The following ELAPOR2 variants were observed in gnomAD, a reference collection of about 807,000 sequenced individuals.
ELAPOR2 encodes endosome-lysosome associated apoptosis and autophagy regulator family member 2, also known as endosome/lysosome-associated apoptosis and autophagy regulator family member 2.
A neutral mutation model predicts 120.7 loss-of-function variants in ELAPOR2; 89 were observed. That is an observed-to-expected ratio of 0.74 (90% confidence interval 0.62 to 0.88). ELAPOR2 has a LOEUF of 0.88. Ranked by LOEUF, ELAPOR2 falls within the 40% of genes least tolerant of loss-of-function variation. The pLI is 0.00. For missense variants in ELAPOR2, 1,134 were observed against 1,251.6 expected (o/e 0.91, Z 1.42); for synonymous variants, 444 against 444.9 (o/e 1.00, Z 0.03).
intron 19 of ELAPOR2, 25 bp from the exon 20 acceptor site, chr7:86,893,125 A>G (rs1788259137): frequency 6.7e-7 from 1 of 1,488,010 alleles, no homozygotes; most frequent in Non-Finnish European, 9.0e-7. Context: ...ACATAAAACC[A>G]TAGAAGACAT....
At chr7:86,991,345 C>A (rs1792938932) in intron 1 of ELAPOR2, among the ~76,000 whole-genome samples, 3 of 152,002 alleles carry the variant, frequency 2.0e-5, no homozygotes, top group African/African-American at 7.2e-5. Context: ...GTCAAACATT[C>A]CACTGGGTCA....
chr7:86,920,034 C>T (rs888337804), intron 10 of ELAPOR2, among the ~76,000 whole-genome samples: 2 of 152,076 alleles, frequency 1.3e-5, no homozygotes, highest in Non-Finnish European at 2.9e-5. Context: ...AATGGCAATA[C>T]CTCAGCATTG....
At chr7:86,991,407 C>T (rs1341647582) in intron 1 of ELAPOR2, among the ~76,000 whole-genome samples, 1 of 152,134 alleles carries the variant, frequency 6.6e-6, no homozygotes, top group Admixed American at 6.5e-5. Context: ...TAGTATACAA[C>T]ATTGTTCTCT....
chr7:86,997,115 G>A (rs1793151439), intron 1 of ELAPOR2, among the ~76,000 whole-genome samples: 1 of 151,946 alleles, frequency 6.6e-6, no homozygotes, highest in Non-Finnish European at 1.5e-5. Flanking sequence ...TTAAGGAAGG[G>A]GAAAAAAAGC....
At chr7:86,915,016 T>A (rs1789499895) in intron 12 of ELAPOR2, among the ~76,000 whole-genome samples, 156 bp from the exon 13 acceptor site, 1 of 152,166 alleles carries the variant, frequency 6.6e-6, no homozygotes, top group African/African-American at 2.4e-5. Flanking sequence ...TCTTAAAACT[T>A]GCCTTCAAGT....
At chr7:87,016,713 C>T (rs1466886004) in intron 1 of ELAPOR2, among the ~76,000 whole-genome samples, 2 of 150,476 alleles carry the variant, frequency 1.3e-5, no homozygotes, top group Non-Finnish European at 3.0e-5. Flanking sequence ...ATGAACCAAT[C>T]TTCTCTCTAT....
intron 1 of ELAPOR2, among the ~76,000 whole-genome samples, chr7:87,041,961 C>T (rs1185953136): frequency 1.3e-5 from 2 of 151,618 alleles, no homozygotes; most frequent in Non-Finnish European, 2.9e-5. Context: ...GGTTGCAATC[C>T]TAGTCTCTGA....
Position 87,039,060 on chromosome 7 carries a change from A to G in ELAPOR2, c.189+20265T>C, listed in dbSNP as rs533992270. ...AAAAAAGAAGATACAAATAAATAAA[A>G]TCAGAAATGAAAAAGAAGACATTAC... On this transcript the variant is annotated intron_variant, in intron 1 of 21. Coordinates refer to ENST00000450689, the MANE Select transcript of ELAPOR2 (RefSeq NM_001142749.3). Among the ~76,000 whole-genome samples the G allele has an allele frequency of 3.3e-5, 5 of 152,312 alleles. No homozygotes were observed. The East Asian group carries it at 9.6e-4, about 29-fold the overall frequency.
intron 15 of ELAPOR2, among the ~76,000 whole-genome samples, chr7:86,910,212 A>T (rs1789234511): frequency 6.6e-6 from 1 of 152,126 alleles, no homozygotes; most frequent in Non-Finnish European, 1.5e-5. Context: ...CAGAGTCTAC[A>T]GTTATAACAA....
intron 3 of ELAPOR2, among the ~76,000 whole-genome samples, chr7:86,945,742 A>C (rs1194789721): frequency 6.6e-6 from 1 of 152,210 alleles, no homozygotes; most frequent in Admixed American, 6.5e-5. Context: ...AGTAATTTCT[A>C]GCCTTTGCAA....
At chr7:86,935,599 C>T (rs1036168850) in intron 8 of ELAPOR2, among the ~76,000 whole-genome samples, 1 of 151,990 alleles carries the variant, frequency 6.6e-6, no homozygotes, top group Admixed American at 6.6e-5. Flanking sequence ...TACCCGGGAC[C>T]TTCCTGGAAA....
chr7:86,904,668 CT>C (rs1788888367), intron 18 of ELAPOR2, among the ~76,000 whole-genome samples: 1 of 152,188 alleles, frequency 6.6e-6, no homozygotes, highest in Non-Finnish European at 1.5e-5. Flanking sequence ...AGATAATTTG[CT>C]GTTCCCTCTA....
intron 15 of ELAPOR2, chr7:86,911,574 T>G (rs1396630499): frequency 2.2e-6 from 1 of 452,674 alleles, no homozygotes; most frequent in Non-Finnish European, 4.4e-6. Context: ...TTAAGATTCC[T>G]CTTCTTCTCA....
At chr7:86,939,181 G>A (rs1255663144) in intron 6 of ELAPOR2, among the ~76,000 whole-genome samples, 2 of 152,008 alleles carry the variant, frequency 1.3e-5, no homozygotes, top group Non-Finnish European at 2.9e-5. Flanking sequence ...TTTCATAGAG[G>A]TATAATACTT....
At chr7:86,926,370 A>G (rs754953612) in intron 9 of ELAPOR2, among the ~76,000 whole-genome samples, 2 of 152,020 alleles carry the variant, frequency 1.3e-5, no homozygotes, top group Admixed American at 6.6e-5. Flanking sequence ...GTCCTTCTCA[A>G]TGATGATGAG....
chr7:87,011,642 T>C (rs1793683661), intron 1 of ELAPOR2, among the ~76,000 whole-genome samples: 1 of 152,234 alleles, frequency 6.6e-6, no homozygotes, highest in South Asian at 2.1e-4. Context: ...CAACTTGGTG[T>C]CTTGGGAGCT....
intron 3 of ELAPOR2, among the ~76,000 whole-genome samples, chr7:86,946,188 C>CACACACACACACAT (rs1400004271): frequency 4.9e-4 from 75 of 152,098 alleles, no homozygotes; most frequent in African/African-American, 1.8e-3. Context: ...CACACACACA[C>CACACACACACACAT]ACGTGTGCAT....
In ELAPOR2 at chr7:86,891,800, C is replaced by A. The variant is rs1411378297; in HGVS notation, c.2954G>T (p.Gly985Val). ...TACAACTTCCTCTTCATTATCTTCT[C>A]CTTCCATGATAGCACAACTGTCTGC... ...PAADSCAIME[G>V]EDNEEEVVYS... The change falls in exon 21 of 22, where the codon GGA becomes GTA. Residue 985 changes from glycine (G) to valine (V), a missense_variant. This residue lies in a region of ELAPOR2 where 831 missense variants were observed against 867.6 expected (regional missense o/e 0.96). Transcript: ENST00000450689. The A allele has an allele frequency of 6.2e-7, 1 of 1,612,190 alleles. No individual in the cohort carries two copies.
At chr7:87,005,796 T>G (rs1793452125) in intron 1 of ELAPOR2, among the ~76,000 whole-genome samples, 1 of 152,180 alleles carries the variant, frequency 6.6e-6, no homozygotes, top group South Asian at 2.1e-4. Flanking sequence ...GGCTTCAGTG[T>G]TAAAGTTAAA....
Sources: gnomAD v4.1 joint callset for allele counts (sites outside exome capture counted in the v4.1 genomes callset) on GRCh38, gnomAD v4.1.1 for gene constraint, gnomAD v4.1.1 regional missense constraint, MANE v1.5 for transcripts, NCBI Gene and HGNC (gene_info 2026-07-23, HGNC 2026-07-21) for gene names.